Variants in KCNK2 observed in about 807,000 individuals in gnomAD.
KCNK2 encodes potassium two pore domain channel subfamily K member 2.
Under a neutral mutation model 40.5 loss-of-function variants are expected in KCNK2, and 21 were observed. That is an observed-to-expected ratio of 0.52 (90% confidence interval 0.37 to 0.75). KCNK2 has a LOEUF of 0.75. Ranked by LOEUF, KCNK2 falls within the 30% of genes least tolerant of loss-of-function variation. KCNK2 has a pLI of 0.00. For synonymous variants in KCNK2, 191 were observed against 202.2 expected, an observed-to-expected ratio of 0.94 and a Z score of 0.47; for missense variants, 399 against 531.6, an observed-to-expected ratio of 0.75 and a Z score of 2.45.
intron 3 of KCNK2, among the ~76,000 whole-genome samples, chr1:215,130,578 A>G (rs572526570): frequency 6.6e-6 from 1 of 152,100 alleles, no homozygotes; most frequent in Non-Finnish European, 1.5e-5. Context: ...TGTCCTGTGG[A>G]CTGAGCTCTT....
chr1:215,189,909 C>A (rs4284239), intron 5 of KCNK2, among the ~76,000 whole-genome samples: 12,712 of 152,044 alleles, frequency 0.084, 821 homozygotes, highest in African/African-American at 0.19. Flanking sequence ...AAATTAAAAT[C>A]CATGTTTGAT....
intron 2 of KCNK2, among the ~76,000 whole-genome samples, chr1:215,087,450 G>A (rs1452757665): frequency 6.6e-6 from 1 of 152,190 alleles, no homozygotes; most frequent in East Asian, 1.9e-4. Context: ...GTTTCAGTTA[G>A]GCTCTTTAGA....
intron 6 of KCNK2, among the ~76,000 whole-genome samples, chr1:215,210,629 A>G (rs932625418): frequency 3.3e-5 from 5 of 152,076 alleles, no homozygotes; most frequent in Non-Finnish European, 7.4e-5. Context: ...AGGTATTGGG[A>G]ATACAGTTTT....
At chr1:215,123,435 G>A (rs1202545469) in intron 2 of KCNK2, among the ~76,000 whole-genome samples, 1 of 150,086 alleles carries the variant, frequency 6.7e-6, no homozygotes, top group Admixed American at 6.7e-5. Flanking sequence ...ATATATCACT[G>A]TTAAAGTAAA....
intron 3 of KCNK2, among the ~76,000 whole-genome samples, chr1:215,159,282 A>T (rs1423035741): frequency 1.3e-5 from 2 of 152,108 alleles, no homozygotes; most frequent in African/African-American, 4.8e-5. Flanking sequence ...CAGATTCTTC[A>T]TCTTGACTCT....
Position 215,172,939 on chromosome 1 carries a change from C to T in KCNK2, c.823+756C>T, listed in dbSNP as rs145113638. On this transcript the variant is annotated intron_variant, in intron 5 of 6. Coordinates refer to ENST00000444842, the MANE Select transcript of KCNK2 (RefSeq NM_001017425.3). ...CTGGGATTACAGGCACAAGCCACTA[C>T]GCCCGGCCTAAGAATCTTATTACTA... 7.1e-4 allele frequency among the ~76,000 whole-genome samples: 108 copies of T among 152,186 alleles called. 1 individual carries two copies. The East Asian group carries it at 0.019, about 26-fold the overall frequency.
At chr1:215,070,090 A>C (rs1658693054) in intron 1 of KCNK2, among the ~76,000 whole-genome samples, 1 of 152,126 alleles carries the variant, frequency 6.6e-6, no homozygotes, top group Admixed American at 6.5e-5. Context: ...TATTAAAGAC[A>C]TGCTTGAGAC....
intron 3 of KCNK2, among the ~76,000 whole-genome samples, chr1:215,166,449 A>C (rs530653988): frequency 6.6e-6 from 1 of 152,286 alleles, no homozygotes; most frequent in Admixed American, 6.5e-5. Flanking sequence ...TGGAACCACT[A>C]ATCCTAACTT....
chr1:215,131,802 T>C (rs1043733365), intron 3 of KCNK2, among the ~76,000 whole-genome samples: 4 of 152,178 alleles, frequency 2.6e-5, no homozygotes, highest in African/African-American at 7.2e-5. Flanking sequence ...TCTTATTTTC[T>C]ATCACCGGAG....
chr1:215,016,059 A>T (rs1337940596), intron 1 of KCNK2, among the ~76,000 whole-genome samples: 1 of 152,204 alleles, frequency 6.6e-6, no homozygotes. Context: ...ATCAAAACTT[A>T]CTGAATACCC....
chr1:215,230,158 A>G (rs929461753), intron 6 of KCNK2, among the ~76,000 whole-genome samples: 1 of 147,294 alleles, frequency 6.8e-6, no homozygotes, highest in African/African-American at 2.5e-5. Context: ...AGATGGAGCT[A>G]TGTTATGAGA....
chr1:215,133,661 A>G (rs1355579423), intron 3 of KCNK2, among the ~76,000 whole-genome samples: 1 of 148,936 alleles, frequency 6.7e-6, no homozygotes, highest in African/African-American at 2.5e-5. Context: ...AATCTTACTT[A>G]CTCTTGGAAA....
intron 3 of KCNK2, among the ~76,000 whole-genome samples, chr1:215,154,045 C>T (rs951199968): frequency 6.6e-6 from 1 of 152,108 alleles, no homozygotes; most frequent in Non-Finnish European, 1.5e-5. Flanking sequence ...AATAATGCTG[C>T]AATAAACATA....
chr1:215,035,550 A>T (rs1386398546), intron 1 of KCNK2, among the ~76,000 whole-genome samples: 3 of 152,154 alleles, frequency 2.0e-5, no homozygotes, highest in Non-Finnish European at 4.4e-5. Context: ...CACCTGGCAA[A>T]ATATACTTAA....
intron 3 of KCNK2, among the ~76,000 whole-genome samples, chr1:215,144,105 C>A (rs1017617203): frequency 5.3e-5 from 8 of 152,072 alleles, no homozygotes; most frequent in African/African-American, 1.9e-4. Context: ...TGGCATTACT[C>A]TTTTGATGCT....
chr1:215,030,438 G>A (rs1407678088), intron 1 of KCNK2, among the ~76,000 whole-genome samples: 38 of 151,860 alleles, frequency 2.5e-4, no homozygotes, highest in Admixed American at 2.5e-3. Context: ...TTTCTATTAT[G>A]GATTGTGCCT....
At chr1:215,050,327 T>A (rs1446845898) in intron 1 of KCNK2, among the ~76,000 whole-genome samples, 1 of 152,184 alleles carries the variant, frequency 6.6e-6, no homozygotes, top group East Asian at 1.9e-4. Context: ...GGGGTTTGAA[T>A]GATTTTTCAA....
chr1:215,043,872 C>T (rs1657650775), intron 1 of KCNK2, among the ~76,000 whole-genome samples: 1 of 151,962 alleles, frequency 6.6e-6, no homozygotes, highest in Admixed American at 6.6e-5. Flanking sequence ...TAGATTCTTC[C>T]CCCAAATTGA....
At chr1:215,194,845 G>C (rs1664798511) in intron 5 of KCNK2, 108 bp from the exon 6 acceptor site, 1 of 844,060 alleles carries the variant, frequency 1.2e-6, no homozygotes, top group African/African-American at 1.7e-5. Flanking sequence ...AAGAATACTA[G>C]ATTTCTATGT....
Sources: allele counts gnomAD v4.1 joint callset (sites outside exome capture counted in the v4.1 genomes callset), GRCh38; gene constraint gnomAD v4.1.1; transcripts MANE v1.5; gene names NCBI Gene and HGNC (gene_info 2026-07-23, HGNC 2026-07-21).